The following TET2 variants were observed in gnomAD, a reference collection of about 807,000 sequenced individuals.
TET2 encodes the protein methylcytosine dioxygenase TET2.
A neutral mutation model predicts 142.9 loss-of-function variants in TET2; 299 were observed. That is an observed-to-expected ratio of 2.09 (90% CI 1.90 to 2.30). The LOEUF (loss-of-function observed/expected upper bound fraction) is 2.30. Ranked by LOEUF, TET2 falls within the 30% of genes most tolerant of loss-of-function variation. The pLI is 0.00. For synonymous variants in TET2, 819 were observed against 849.0 expected (o/e 0.96, Z 0.61); for missense variants, 2,418 against 2,378.0 (o/e 1.02, Z -0.35).
intron 8 of TET2, among the ~76,000 whole-genome samples, chr4:105,267,391 A>T (rs72963036): frequency 0.013 from 2,036 of 152,188 alleles, 46 homozygotes; most frequent in African/African-American, 0.045. Context: ...TTAACAATGT[A>T]TTATGAGGTT....
intron 2 of TET2, among the ~76,000 whole-genome samples, chr4:105,228,248 G>T (rs906538651): frequency 1.3e-5 from 2 of 151,998 alleles, no homozygotes; most frequent in Non-Finnish European, 2.9e-5. Context: ...CCTGAAATAA[G>T]ATTTAAAGAC....
chr4:105,167,405 T>C (rs957417184), intron 1 of TET2, among the ~76,000 whole-genome samples: 4 of 152,054 alleles, frequency 2.6e-5, no homozygotes, highest in Non-Finnish European at 5.9e-5. Context: ...TGTGTACACA[T>C]ATGCTACATA....
At chr4:105,206,597 G>A (rs1162870251) in intron 2 of TET2, among the ~76,000 whole-genome samples, 2 of 152,186 alleles carry the variant, frequency 1.3e-5, no homozygotes, top group African/African-American at 4.8e-5. Context: ...AAGAGGGACT[G>A]GGATTGGGCT....
intron 1 of TET2, among the ~76,000 whole-genome samples, chr4:105,154,296 AAGC>A: frequency 6.6e-6 from 1 of 152,380 alleles, no homozygotes; most frequent in East Asian, 1.9e-4. Flanking sequence ...ATATTTCAAA[AAGC>A]TGTTGTTATA....
At chr4:105,164,513 A>G (rs1724050532) in intron 1 of TET2, among the ~76,000 whole-genome samples, 1 of 152,346 alleles carries the variant, frequency 6.6e-6, no homozygotes. Flanking sequence ...TTATTCTTCA[A>G]GCATGTGTTG....
Position 105,261,771 on chromosome 4 carries a change from G to A in TET2, c.3967G>A (p.Glu1323Lys). The A allele has an allele frequency of 6.5e-7, 1 of 1,545,620 alleles. No individual in the cohort carries two copies. Among genetic ancestry groups the A allele is most frequent in the Non-Finnish European group, 8.8e-7 (1 of 1,142,410 alleles). Residue 1323 changes from glutamate to lysine, a missense_variant, in exon 8 of 11, where the codon GAG becomes AAG. Coordinates refer to ENST00000380013, the MANE Select transcript of TET2 (RefSeq NM_001127208.3). ...TCACTTTATACAGGAAGAGAAACTG[G>A]AGTCTCATTTGCAAAACCTGTCCAC... The part of the protein sequence containing the change: ...GDDPKEEEKL[E>K]SHLQNLSTLM...
intron 6 of TET2, among the ~76,000 whole-genome samples, chr4:105,247,530 A>G (rs189306161): frequency 6.6e-6 from 1 of 152,240 alleles, no homozygotes; most frequent in East Asian, 1.9e-4. Context: ...TTTTATTTAT[A>G]ATAGCCCTTC....
intron 2 of TET2, among the ~76,000 whole-genome samples, chr4:105,199,347 A>G (rs1726302589): frequency 6.6e-6 from 1 of 152,172 alleles, no homozygotes; most frequent in Non-Finnish European, 1.5e-5. Context: ...TAGTCCGCAA[A>G]GGTTTTTGTC....
rs1172610768 is a variant in TET2 at position 105,276,676 on chromosome 4, T to TA, written c.*158dup. On this transcript the variant is annotated 3_prime_UTR_variant, in exon 11 of 11. Transcript: ENST00000380013. ...TCACCAGCAACAAAAGAGGTTATCT[T>TA]ACCATAGCACTTAATTTTCACTGGC... 1.2e-6 allele frequency: 1 copy of TA among 823,074 alleles called. No homozygotes were observed. The highest frequency in any genetic ancestry group is 3.1e-5 in the Admixed American group (1 of 32,228). 51.0% of individuals were successfully genotyped at this position (823,074 alleles called of 1,614,324 possible). A position where few individuals can be genotyped will look rare whatever the true frequency, so the allele number is the denominator to read the frequency against.
At position 105,259,626 on chromosome 4, in the gene TET2, T is replaced by TG. The variant is rs755283040; in HGVS notation, c.3812dup (p.Cys1271TrpfsTer29). The TG allele has an allele frequency of 1.5e-5, 24 of 1,550,766 alleles. No individual in the cohort carries two copies. Among genetic ancestry groups the TG allele is most frequent in the African/African-American group, 2.7e-5 (2 of 73,092 alleles). ...GGTCTTTTGATTTTTCAGGAGAACT[T>TG]GCGCCTGTCAGGGGCTGGATCCAGA... On this transcript the variant is annotated frameshift_variant, in exon 7 of 11. Transcript: ENST00000380013. LOFTEE classifies it high-confidence loss of function.
At chr4:105,200,784 C>G (rs1726414951) in intron 2 of TET2, among the ~76,000 whole-genome samples, 1 of 152,114 alleles carries the variant, frequency 6.6e-6, no homozygotes, top group Non-Finnish European at 1.5e-5. Context: ...CCTCAGCCTC[C>G]TGAGTAGCTG....
intron 6 of TET2, among the ~76,000 whole-genome samples, chr4:105,257,321 T>G (rs763073774): frequency 1.3e-5 from 2 of 152,172 alleles, no homozygotes; most frequent in Non-Finnish European, 2.9e-5. Flanking sequence ...GAAAATCAGA[T>G]TCTACCCCCT....
chr4:105,242,466 G>C, intron 4 of TET2: 1 of 1,104,566 alleles, frequency 9.1e-7, no homozygotes, highest in Non-Finnish European at 1.1e-6. Context: ...GACTCCCCAA[G>C]TTTTAAAATA....
intron 2 of TET2, among the ~76,000 whole-genome samples, chr4:105,193,284 G>A (rs958862332): frequency 5.3e-5 from 8 of 152,096 alleles, no homozygotes; most frequent in Admixed American, 4.6e-4. Context: ...GGCAGGAATG[G>A]GCCAGGCAGA....
intron 2 of TET2, among the ~76,000 whole-genome samples, chr4:105,190,907 G>C (rs747293373): frequency 2.0e-5 from 3 of 152,118 alleles, no homozygotes; most frequent in Non-Finnish European, 4.4e-5. Context: ...CAAATAAATG[G>C]TATTTGTGGT....
chr4:105,216,523 G>A (rs1488682502), intron 2 of TET2, among the ~76,000 whole-genome samples: 2 of 152,040 alleles, frequency 1.3e-5, no homozygotes, highest in Non-Finnish European at 2.9e-5. Context: ...CGATAGAGGG[G>A]AAAGGGGGTA....
At chr4:105,173,239 G>A (rs529712070) in intron 1 of TET2, among the ~76,000 whole-genome samples, 2 of 152,146 alleles carry the variant, frequency 1.3e-5, no homozygotes, top group East Asian at 1.9e-4. Context: ...CTCAATCTTG[G>A]TTGGGTGTGG....
chr4:105,263,165 A>C (rs544541208), intron 8 of TET2, among the ~76,000 whole-genome samples: 1 of 152,242 alleles, frequency 6.6e-6, no homozygotes, highest in East Asian at 1.9e-4. Context: ...TAAAAACAAA[A>C]CCCAAAAGTA....
intron 2 of TET2, among the ~76,000 whole-genome samples, chr4:105,225,368 T>C (rs1248183291): frequency 6.6e-6 from 1 of 152,106 alleles, no homozygotes; most frequent in Non-Finnish European, 1.5e-5. Flanking sequence ...GAAATTGCGC[T>C]CTATGAGTTT....
Sources: gnomAD v4.1 joint callset for allele counts (sites outside exome capture counted in the v4.1 genomes callset) on GRCh38, gnomAD v4.1.1 for gene constraint, MANE v1.5 for transcripts, NCBI Gene and HGNC (gene_info 2026-07-23, HGNC 2026-07-21) for gene names.